The following DPP10 variants were observed in gnomAD, a reference collection of about 807,000 sequenced individuals.
The protein encoded by DPP10 is dipeptidyl peptidase like 10.
In DPP10, 33 loss-of-function variants were observed where a neutral mutation model predicts 120.9. That is an observed-to-expected ratio of 0.27 (90% CI 0.21 to 0.37). The LOEUF (loss-of-function observed/expected upper bound fraction) is 0.37, where lower values mean the gene tolerates loss of function less well. Among genes scored for constraint, DPP10 ranks in the 10% least tolerant of loss-of-function variants. The pLI, the probability that DPP10 is intolerant of heterozygous loss-of-function variation, is 1.00. For synonymous variants in DPP10, 337 were observed against 326.1 expected (o/e 1.03, Z -0.36); for missense variants, 816 against 942.8 (o/e 0.87, Z 1.76).
At chr2:114,556,496 C>T (rs1313953742) in intron 1 of DPP10, among the ~76,000 whole-genome samples, 2 of 151,664 alleles carry the variant, frequency 1.3e-5, no homozygotes, top group African/African-American at 4.8e-5. Context: ...ATTTGGAGGA[C>T]ACAAGTAAAT....
chr2:115,441,322 C>G (rs956958294), intron 3 of DPP10, among the ~76,000 whole-genome samples: 1 of 152,162 alleles, frequency 6.6e-6, no homozygotes, highest in Non-Finnish European at 1.5e-5. Context: ...TGGAGTTCTT[C>G]AGCAAGCTGT....
Position 115,168,754 on chromosome 2 carries a change from C to T in DPP10, c.61-140485C>T, listed in dbSNP as rs141782975. ...CTGGGAAGTAGGTTCGGTGGGGAGA[C>T]TGGGGCACTGAAAAGAAAGCTCTTC... On this transcript the variant is annotated intron_variant, in intron 1 of 25. Transcript: ENST00000410059. Among the ~76,000 whole-genome samples the T allele has an allele frequency of 2.8e-4, 43 of 152,228 alleles. No individual in the cohort carries two copies. In the East Asian group the frequency reaches 8.1e-3, roughly 29 times the overall value.
At chr2:115,729,281 A>G (rs1005205295) in intron 8 of DPP10, among the ~76,000 whole-genome samples, 2 of 152,212 alleles carry the variant, frequency 1.3e-5, no homozygotes, top group African/African-American at 2.4e-5. Flanking sequence ...AGGTAGCAGG[A>G]GCTAATTGAA....
At chr2:114,688,239 A>C (rs931523849) in intron 1 of DPP10, among the ~76,000 whole-genome samples, 1 of 152,048 alleles carries the variant, frequency 6.6e-6, no homozygotes, top group Non-Finnish European at 1.5e-5. Context: ...AAAGTCACAG[A>C]GATACAATAT....
Position 114,793,889 on chromosome 2 carries a change from G to A in DPP10, c.60+351051G>A, listed in dbSNP as rs192464731. Among the ~76,000 whole-genome samples, 683 of 152,198 alleles carry A rather than the reference G, an allele frequency of 4.5e-3. 2 individuals are homozygous for A. Among genetic ancestry groups the A allele is most frequent in the Non-Finnish European group, 7.3e-3 (496 of 68,022 alleles). On this transcript the variant is annotated intron_variant, in intron 1 of 25. Transcript: ENST00000410059. Reference sequence around the variant, plus strand: ...GTAATTACTCTCTAGTGCTTCAAGTGGGTATATTTCATCTTCCCAGTAAGT... The same window carrying A: ...GTAATTACTCTCTAGTGCTTCAAGTAGGTATATTTCATCTTCCCAGTAAGT...
At chr2:115,080,624 A>T (rs1708196788) in intron 1 of DPP10, among the ~76,000 whole-genome samples, 1 of 152,248 alleles carries the variant, frequency 6.6e-6, no homozygotes, top group Non-Finnish European at 1.5e-5. Flanking sequence ...AGGCATGCAA[A>T]GAAGAAAATA....
chr2:114,896,289 A>C (rs1286586087), intron 1 of DPP10, among the ~76,000 whole-genome samples: 1 of 152,176 alleles, frequency 6.6e-6, no homozygotes, highest in Non-Finnish European at 1.5e-5. Context: ...TGGTAGCTTT[A>C]TGGGGATGGC....
Position 114,958,910 on chromosome 2 carries a change from C to G in DPP10, c.61-350329C>G, listed in dbSNP as rs566168666. On this transcript the variant is annotated intron_variant, in intron 1 of 25. Transcript: ENST00000410059. ...CCAGGGTTAAAAAAAGGGGGTAACT[C>G]ATTGATGTAGATCACTCTATTATTT... Among the ~76,000 whole-genome samples the G allele has an allele frequency of 2.0e-5, 3 of 152,200 alleles. No homozygotes were observed. The East Asian group carries it at 5.8e-4, about 29-fold the overall frequency.
intron 3 of DPP10, among the ~76,000 whole-genome samples, chr2:115,489,274 C>T (rs1203767676): frequency 6.6e-6 from 1 of 151,326 alleles, no homozygotes; most frequent in Non-Finnish European, 1.5e-5. Flanking sequence ...CAGATTAGCC[C>T]AATGCTGTAG....
At chr2:115,736,607 T>G (rs183813239) in intron 8 of DPP10, among the ~76,000 whole-genome samples, 46 of 152,218 alleles carry the variant, frequency 3.0e-4, no homozygotes, top group African/African-American at 1.0e-3. Flanking sequence ...GATGACAAAA[T>G]GCTACACTGT....
At chr2:114,602,334 T>G (rs915918340) in intron 1 of DPP10, among the ~76,000 whole-genome samples, 1 of 151,312 alleles carries the variant, frequency 6.6e-6, no homozygotes, top group African/African-American at 2.4e-5. Context: ...TGTGTGTGTG[T>G]GCATGTGTGA....
intron 12 of DPP10, among the ~76,000 whole-genome samples, chr2:115,766,906 G>A (rs1220706708): frequency 6.6e-6 from 1 of 152,110 alleles, no homozygotes. Flanking sequence ...ATTCGTGAAG[G>A]ACTCACCCCC....
intron 1 of DPP10, among the ~76,000 whole-genome samples, chr2:114,986,882 T>C (rs1700430045): frequency 1.3e-5 from 2 of 152,148 alleles, no homozygotes. Flanking sequence ...TCGATTCTCC[T>C]GCCTCAGCCT....
intron 1 of DPP10, among the ~76,000 whole-genome samples, chr2:115,282,540 T>C (rs2060202094): frequency 1.3e-5 from 2 of 152,100 alleles, no homozygotes; most frequent in African/African-American, 4.8e-5. Context: ...CTATAGAAAC[T>C]GATAGAATAG....
Position 115,276,187 on chromosome 2 carries a change from A to G in DPP10, c.61-33052A>G, listed in dbSNP as rs1343628484. Among the ~76,000 whole-genome samples the G allele has an allele frequency of 3.3e-5, 5 of 152,156 alleles. No individual in the cohort carries two copies. The East Asian group carries it at 5.8e-4, about 18-fold the overall frequency. ...AAAACACTCGAATGGCAGGTTGCCAATTAGAGAGGGGAGTATAAAGATACA... is the reference window on the plus strand; with the variant it reads ...AAAACACTCGAATGGCAGGTTGCCAGTTAGAGAGGGGAGTATAAAGATACA... On this transcript the variant is annotated intron_variant, in intron 1 of 25. Coordinates refer to ENST00000410059, the MANE Select transcript of DPP10 (RefSeq NM_020868.6).
chr2:114,663,668 T>TATATAGAGAGAG lies in DPP10; in HGVS notation c.60+220831_60+220832insTATAGAGAGAGA. 3.7e-3 allele frequency among the ~76,000 whole-genome samples: 295 copies of TATATAGAGAGAG among 80,676 alleles called. 1 individual carries two copies. Among genetic ancestry groups the TATATAGAGAGAG allele is most frequent in the Non-Finnish European group, 4.6e-3 (232 of 50,290 alleles). 52.9% of individuals were successfully genotyped at this position (80,676 alleles called of 152,430 possible). A position where few individuals can be genotyped will look rare whatever the true frequency, so the allele number is the denominator to read the frequency against. On this transcript the variant is annotated intron_variant, in intron 1 of 25. Transcript: ENST00000410059. ...ATATATATATATATATATATATATATAGAGAGAGAGAGAGAGAGAGAGAGA... is the reference window on the plus strand; with the variant it reads ...ATATATATATATATATATATATATATATATAGAGAGAGAGAGAGAGAGAGAGAGAGAGAGAGA...
Position 114,688,916 on chromosome 2 carries a change from GTGTGTGTA to G in DPP10, c.60+246094_60+246101del, listed in dbSNP as rs925708692. Among the ~76,000 whole-genome samples the G allele has an allele frequency of 5.3e-5, 8 of 151,900 alleles. No homozygotes were observed. The South Asian group carries it at 6.2e-4, about 12-fold the overall frequency. On this transcript the variant is annotated intron_variant, in intron 1 of 25. Coordinates refer to ENST00000410059, the MANE Select transcript of DPP10 (RefSeq NM_020868.6). ...GGTTAACAGTGATTGGATGTGGGAA[GTGTGTGTA>G]TGTGTGTATGTGTGTGTGTCTGTGT...
intron 1 of DPP10, among the ~76,000 whole-genome samples, chr2:115,104,302 T>C (rs1236416865): frequency 6.8e-6 from 1 of 147,338 alleles, no homozygotes; most frequent in Admixed American, 7.0e-5. Context: ...TGCCTAAGCC[T>C]CCTGAGTGGC....
intron 1 of DPP10, among the ~76,000 whole-genome samples, chr2:114,456,429 T>A (rs1678589659): frequency 6.6e-6 from 1 of 152,194 alleles, no homozygotes; most frequent in Non-Finnish European, 1.5e-5. Flanking sequence ...AATCTTGGTC[T>A]AGCCAGGATC....
Sources: allele counts gnomAD v4.1 joint callset (sites outside exome capture counted in the v4.1 genomes callset), GRCh38; gene constraint gnomAD v4.1.1; transcripts MANE v1.5; gene names NCBI Gene and HGNC (gene_info 2026-07-23, HGNC 2026-07-21).